The following CTNNA2 variants were observed in gnomAD, a reference collection of about 807,000 sequenced individuals.
CTNNA2 encodes the protein catenin alpha-2.
In CTNNA2, 42 loss-of-function variants were observed where a neutral mutation model predicts 101.0. The ratio of observed to expected loss-of-function variants is 0.42; its 90% confidence interval spans 0.32 to 0.54. The LOEUF is 0.54. CTNNA2 is among the 20% of genes least tolerant of loss of function. The pLI is 0.14. For missense variants in CTNNA2, 871 were observed against 1,223.1 expected, an observed-to-expected ratio of 0.71 and a Z score of 4.29; for synonymous variants, 450 against 456.4, an observed-to-expected ratio of 0.99 and a Z score of 0.18.
intron 7 of CTNNA2, among the ~76,000 whole-genome samples, chr2:79,918,426 G>GGCCAGCTAGATT (rs1686414862): frequency 6.6e-6 from 1 of 152,182 alleles, no homozygotes; most frequent in Non-Finnish European, 1.5e-5. Context: ...CCAGCTAGAT[G>GGCCAGCTAGATT]GCCAGCTAGA....
At chr2:80,275,167 C>A (rs1209520458) in intron 7 of CTNNA2, among the ~76,000 whole-genome samples, 1 of 152,140 alleles carries the variant, frequency 6.6e-6, no homozygotes, top group East Asian at 1.9e-4. Context: ...ACCTCTTGGT[C>A]ACATGAAGAT....
In CTNNA2 at chr2:80,090,144, C is replaced by G. The variant is rs199804960; in HGVS notation, c.1056+180347C>G. Among the ~76,000 whole-genome samples, 76 of 86,696 alleles carry G rather than the reference C, an allele frequency of 8.8e-4. No individual in the cohort carries two copies. In the East Asian group the frequency reaches 0.044, roughly 50 times the overall value. 56.9% of individuals were successfully genotyped at this position (86,696 alleles called of 152,430 possible). On this transcript the variant is annotated intron_variant, in intron 7 of 18. Transcript: ENST00000402739. Reference sequence around the variant, plus strand: ...AGAAAGGAAGTTTCACTCTCTCTCTCTCTGTGTGTGTGTGTGTGTGTGTGT... The same window carrying G: ...AGAAAGGAAGTTTCACTCTCTCTCTGTCTGTGTGTGTGTGTGTGTGTGTGT...
chr2:79,287,875 G>C (rs1051981103), intron 2 of CTNNA2, among the ~76,000 whole-genome samples: 1 of 152,202 alleles, frequency 6.6e-6, no homozygotes, highest in South Asian at 2.1e-4. Context: ...TTTGATCTCA[G>C]ACTGCTGTGC....
intron 1 of CTNNA2, among the ~76,000 whole-genome samples, chr2:79,584,520 C>CTTTT (rs558450184): frequency 1.5e-5 from 2 of 134,134 alleles, no homozygotes; most frequent in African/African-American, 5.5e-5. Flanking sequence ...GGTAGATTTT[C>CTTTT]TTTTTTTTTT....
intron 2 of CTNNA2, among the ~76,000 whole-genome samples, chr2:79,286,246 C>G (rs1376755655): frequency 6.6e-6 from 1 of 152,082 alleles, no homozygotes; most frequent in African/African-American, 2.4e-5. Flanking sequence ...AGCATTTAGT[C>G]CATTTACATT....
chr2:79,825,499 G>C (rs1259534828), intron 3 of CTNNA2, among the ~76,000 whole-genome samples: 1 of 152,080 alleles, frequency 6.6e-6, no homozygotes, highest in African/African-American at 2.4e-5. Flanking sequence ...CGAATTATCT[G>C]GTTTGAGCAT....
chr2:79,487,525 TG>T (rs1671169586), intron 4 of CTNNA2, among the ~76,000 whole-genome samples: 1 of 152,204 alleles, frequency 6.6e-6, no homozygotes, highest in Non-Finnish European at 1.5e-5. Context: ...GAGCTCCATC[TG>T]AGAACCCAGA....
At chr2:79,603,249 A>G (rs552132740) in intron 1 of CTNNA2, among the ~76,000 whole-genome samples, 1 of 152,206 alleles carries the variant, frequency 6.6e-6, no homozygotes, top group East Asian at 1.9e-4. Context: ...TTAAAAATTA[A>G]TTACAGATGA....
chr2:79,682,217 G>A (rs1201429491), intron 2 of CTNNA2, among the ~76,000 whole-genome samples: 1 of 151,710 alleles, frequency 6.6e-6, no homozygotes, highest in African/African-American at 2.4e-5. Context: ...GACCATCCTG[G>A]CTAACAAGGT....
At chr2:80,308,677 G>A (rs1677255963) in intron 7 of CTNNA2, among the ~76,000 whole-genome samples, 1 of 152,144 alleles carries the variant, frequency 6.6e-6, no homozygotes, top group Non-Finnish European at 1.5e-5. Context: ...TTAAAGCAAC[G>A]TGGTAACATG....
intron 8 of CTNNA2, among the ~76,000 whole-genome samples, chr2:80,401,772 C>T (rs918723848): frequency 6.6e-6 from 1 of 150,622 alleles, no homozygotes; most frequent in Non-Finnish European, 1.5e-5. Context: ...GCAGAAAATC[C>T]ATGTTTGAGG....
intron 9 of CTNNA2, among the ~76,000 whole-genome samples, chr2:80,478,474 A>G (rs1488783863): frequency 6.6e-6 from 1 of 152,084 alleles, no homozygotes; most frequent in Non-Finnish European, 1.5e-5. Flanking sequence ...TAGGCCAATG[A>G]CCAGAAGAGT....
intron 7 of CTNNA2, among the ~76,000 whole-genome samples, chr2:79,957,474 G>T (rs1303428527): frequency 1.3e-5 from 2 of 152,156 alleles, no homozygotes; most frequent in Non-Finnish European, 2.9e-5. Context: ...GTGTATTCTG[G>T]CTGTATCCTT....
intron 9 of CTNNA2, among the ~76,000 whole-genome samples, chr2:80,454,720 TC>T (rs1467703503): frequency 6.6e-6 from 1 of 152,176 alleles, no homozygotes; most frequent in Non-Finnish European, 1.5e-5. Context: ...ACACTTGGTC[TC>T]CCCAGGTCTC....
intron 3 of CTNNA2, among the ~76,000 whole-genome samples, chr2:79,856,760 G>C (rs1681171017): frequency 6.6e-6 from 1 of 151,964 alleles, no homozygotes; most frequent in South Asian, 2.1e-4. Context: ...CTTTTGTCTG[G>C]TCTTCACATC....
chr2:79,888,425 T>C (rs1032540134), intron 6 of CTNNA2, among the ~76,000 whole-genome samples: 4 of 152,226 alleles, frequency 2.6e-5, no homozygotes, highest in African/African-American at 7.2e-5. Context: ...ACAGCTTTTC[T>C]TTCCTAAGGT....
chr2:80,604,060 A>G lies in CTNNA2; in HGVS notation c.2190-14A>G, dbSNP rs747475831. On this transcript the variant is annotated splice_polypyrimidine_tract_variant and intron_variant, in intron 15 of 18. Coordinates refer to ENST00000402739, the MANE Select transcript of CTNNA2 (RefSeq NM_001282597.3). ...TTAAGTGGATTTCTAATTATGTTGT[A>G]TATGTTGTTTCAGAGGCAAAGGCCC... 2.5e-6 allele frequency: 4 copies of G among 1,603,584 alleles called. No homozygotes were observed. Among genetic ancestry groups the G allele is most frequent in the Non-Finnish European group, 2.6e-6 (3 of 1,171,202 alleles).
chr2:79,742,762 C>T (rs947328947), intron 2 of CTNNA2, among the ~76,000 whole-genome samples: 1 of 151,996 alleles, frequency 6.6e-6, no homozygotes, highest in African/African-American at 2.4e-5. Flanking sequence ...AATGATTTTG[C>T]CATTTTTTTG....
At chr2:79,718,841 G>A (rs1355752473) in intron 2 of CTNNA2, among the ~76,000 whole-genome samples, 2 of 149,818 alleles carry the variant, frequency 1.3e-5, no homozygotes, top group Non-Finnish European at 3.0e-5. Context: ...TTTTTTTGTG[G>A]TGGTGGTGGT....
Sources: allele counts gnomAD v4.1 joint callset (sites outside exome capture counted in the v4.1 genomes callset), GRCh38; gene constraint gnomAD v4.1.1; transcripts MANE v1.5; gene names NCBI Gene and HGNC (gene_info 2026-07-23, HGNC 2026-07-21).